AXDND1: variants seen among roughly 807,000 people sequenced by gnomAD.
The protein encoded by AXDND1 is axonemal dynein light chain domain containing 1.
Under a neutral mutation model 137.5 loss-of-function variants are expected in AXDND1, and 110 were observed. That is an observed-to-expected ratio of 0.80 (90% confidence interval 0.69 to 0.94). AXDND1 has a LOEUF of 0.94. Ranked by LOEUF, AXDND1 falls within the 40% of genes least tolerant of loss-of-function variation. The probability of loss-of-function intolerance (pLI) is 0.00; values close to 1 mark genes in which losing one functional copy is unlikely to be tolerated. For synonymous variants in AXDND1, 414 were observed against 399.7 expected, an observed-to-expected ratio of 1.04 and a Z score of -0.43; for missense variants, 1,191 against 1,169.8, an observed-to-expected ratio of 1.02 and a Z score of -0.26.
chr1:179,432,902 C>CAA (rs199738366), intron 15 of AXDND1, among the ~76,000 whole-genome samples: 94 of 142,808 alleles, frequency 6.6e-4, no homozygotes, highest in African/African-American at 1.6e-3. Context: ...GACTCCATCT[C>CAA]AAAAAAAAAA....
At chr1:179,511,546 A>G (rs981220286) in intron 21 of AXDND1, among the ~76,000 whole-genome samples, 2 of 152,048 alleles carry the variant, frequency 1.3e-5, no homozygotes, top group South Asian at 4.2e-4. Context: ...TCTTTTTCCT[A>G]TAATGACTTC....
rs1419653601 is a variant in AXDND1, at chr1:179,552,830, G to A, written c.3032-1682G>A. 13 of 695,470 alleles carry A rather than the reference G, an allele frequency of 1.9e-5. No homozygotes were observed. In the East Asian group the frequency reaches 3.5e-4, roughly 19 times the overall value. 43.1% of individuals were successfully genotyped at this position (695,470 alleles called of 1,614,324 possible). On this transcript the variant is annotated intron_variant, in intron 25 of 25. Coordinates refer to ENST00000367618, the MANE Select transcript of AXDND1 (RefSeq NM_144696.6). ...AGTGTGCCATTCCTAGACTTCTGAG[G>A]TCAAAAGTAGGCAGATCTCCAAGGT...
intron 20 of AXDND1, among the ~76,000 whole-genome samples, chr1:179,495,919 A>G (rs1485469322): frequency 7.6e-6 from 1 of 130,992 alleles, no homozygotes. Flanking sequence ...TTTTTTAGTC[A>G]GTAATGGATG....
intron 15 of AXDND1, among the ~76,000 whole-genome samples, chr1:179,438,987 C>T (rs901621866): frequency 4.0e-5 from 6 of 151,854 alleles, no homozygotes; most frequent in Non-Finnish European, 8.8e-5. Context: ...ATCTGGGCGG[C>T]AGACTGGGAT....
In AXDND1 at chr1:179,394,083, A is replaced by G. The variant is rs374737211; in HGVS notation, c.1004+40A>G. 94 of 1,554,680 alleles carry G rather than the reference A, an allele frequency of 6.0e-5. No homozygotes were observed. In the African/African-American group the frequency reaches 1.2e-3, roughly 20 times the overall value. On this transcript the variant is annotated intron_variant, in intron 10 of 25. Transcript: ENST00000367618. ...TATCTTAAACACAAAACAAAAGTCA[A>G]TGTCATGTCTCTAAAGGGAGTAAAA... is the stretch of plus-strand genomic sequence containing the variant.
chr1:179,431,780 G>A (rs1409178236), intron 14 of AXDND1, among the ~76,000 whole-genome samples: 1 of 152,076 alleles, frequency 6.6e-6, no homozygotes, highest in Non-Finnish European at 1.5e-5. Context: ...GGTGTGCACG[G>A]GTGGCCATAG....
chr1:179,508,687 C>A lies in AXDND1; in HGVS notation c.2389-609C>A, dbSNP rs1463457778. On this transcript the variant is annotated intron_variant, in intron 20 of 25. Coordinates refer to ENST00000367618, the MANE Select transcript of AXDND1 (RefSeq NM_144696.6). ...TTCCAAAAGTGTCTCAAATCTTGATCCATTCACTTTATTAGCAGTAGAGGG... is the reference window on the plus strand; with the variant it reads ...TTCCAAAAGTGTCTCAAATCTTGATACATTCACTTTATTAGCAGTAGAGGG... Among the ~76,000 whole-genome samples the A allele has an allele frequency of 3.3e-5, 5 of 151,632 alleles. No individual in the cohort carries two copies. The East Asian group carries it at 5.8e-4, about 18-fold the overall frequency.
chr1:179,371,877 G>A (rs149997135), intron 4 of AXDND1, among the ~76,000 whole-genome samples: 1,685 of 152,184 alleles, frequency 0.011, 43 homozygotes, highest in African/African-American at 0.038. Flanking sequence ...AAGGGAACAG[G>A]GATTGCAGTC....
At chr1:179,442,043 T>C (rs975271442) in intron 15 of AXDND1, among the ~76,000 whole-genome samples, 3 of 152,062 alleles carry the variant, frequency 2.0e-5, no homozygotes, top group Non-Finnish European at 4.4e-5. Context: ...TCTAGTGGAG[T>C]GTGTTCATGA....
intron 25 of AXDND1, among the ~76,000 whole-genome samples, chr1:179,536,738 A>G (rs1358836958): frequency 1.3e-5 from 2 of 152,154 alleles, no homozygotes; most frequent in African/African-American, 4.8e-5. Flanking sequence ...GATTTTTCCA[A>G]TTCTGTGAAG....
At chr1:179,550,302 T>G (rs921234789) in intron 25 of AXDND1, among the ~76,000 whole-genome samples, 5 of 152,102 alleles carry the variant, frequency 3.3e-5, no homozygotes. Context: ...CTTAGAGAAA[T>G]GTATCTATAT....
Position 179,370,089 on chromosome 1 carries a change from A to G in AXDND1, c.374+11A>G, listed in dbSNP as rs754039118. On this transcript the variant is annotated intron_variant, in intron 4 of 25. Coordinates refer to ENST00000367618, the MANE Select transcript of AXDND1 (RefSeq NM_144696.6). ...CACAGGAGCTGGAAGGTAAAGAAGGAAGATAGTAGGATAGATGCTGATAAA... is the reference window on the plus strand; with the variant it reads ...CACAGGAGCTGGAAGGTAAAGAAGGGAGATAGTAGGATAGATGCTGATAAA... 9 of 1,585,960 alleles carry G rather than the reference A, an allele frequency of 5.7e-6. No individual in the cohort carries two copies. Among genetic ancestry groups the G allele is most frequent in the Middle Eastern group, 1.7e-4 (1 of 6,030 alleles).
rs35702478 is a variant in AXDND1 at position 179,437,069 on chromosome 1, G to GAAA, written c.1563+4743_1563+4745dup. ...TTCATCTATAAAAGAGACACTCACT[G>GAAA]AAAAAAAAAAAAAAAAAAGGAAAGA... On this transcript the variant is annotated intron_variant, in intron 15 of 25. Transcript: ENST00000367618. 6.0e-5 allele frequency among the ~76,000 whole-genome samples: 6 copies of GAAA among 100,800 alleles called. 1 individual carries two copies. The highest frequency in any genetic ancestry group is 1.0e-4 in the Non-Finnish European group (5 of 50,196). 66.1% of individuals were successfully genotyped at this position (100,800 alleles called of 152,430 possible). A position where few individuals can be genotyped will look rare whatever the true frequency, so the allele number is the denominator to read the frequency against.
chr1:179,448,108 A>AC lies in AXDND1; in HGVS notation c.1798+2904_1798+2905insC. The AC allele has an allele frequency of 7.3e-6, 6 of 822,208 alleles. No homozygotes were observed. In the South Asian group the frequency reaches 8.9e-5, roughly 12 times the overall value. 50.9% of individuals were successfully genotyped at this position (822,208 alleles called of 1,614,324 possible). A position where few individuals can be genotyped will look rare whatever the true frequency, so the allele number is the denominator to read the frequency against. ...CATCATATTATCAAATTCCTCATTA[A>AC]TTATTTTTCTTCTGTATATGGAGTT... On this transcript the variant is annotated intron_variant, in intron 16 of 25. Coordinates refer to ENST00000367618, the MANE Select transcript of AXDND1 (RefSeq NM_144696.6).
chr1:179,417,713 T>C (rs945340045), intron 12 of AXDND1, among the ~76,000 whole-genome samples: 1 of 151,988 alleles, frequency 6.6e-6, no homozygotes, highest in Non-Finnish European at 1.5e-5. Context: ...TGTGGTTCCA[T>C]ATAGATTTTA....
At chr1:179,474,640 A>G (rs778046360) in intron 17 of AXDND1, among the ~76,000 whole-genome samples, 31 of 152,164 alleles carry the variant, frequency 2.0e-4, no homozygotes, top group Non-Finnish European at 4.3e-4. Context: ...GATTTAGGGT[A>G]TCTGGTGGAA....
At chr1:179,396,374 G>T (rs1651063739) in intron 11 of AXDND1, among the ~76,000 whole-genome samples, 1 of 151,936 alleles carries the variant, frequency 6.6e-6, no homozygotes, top group Non-Finnish European at 1.5e-5. Flanking sequence ...TTGCGGCTGG[G>T]CACAGTGGCT....
intron 2 of AXDND1, among the ~76,000 whole-genome samples, chr1:179,368,283 A>G (rs1217224901): frequency 1.3e-5 from 2 of 151,978 alleles, no homozygotes; most frequent in Admixed American, 1.3e-4. Context: ...TTCCACTCTC[A>G]TTTGCAACAA....
At chr1:179,393,802 G>T (rs1650578017) in intron 9 of AXDND1, 101 bp from the exon 10 acceptor site, 1 of 969,496 alleles carries the variant, frequency 1.0e-6, no homozygotes, top group Non-Finnish European at 1.5e-6. Context: ...TTTTCTTGGT[G>T]TATAGCAGTG....
Sources: allele counts gnomAD v4.1 joint callset (sites outside exome capture counted in the v4.1 genomes callset), GRCh38; gene constraint gnomAD v4.1.1; transcripts MANE v1.5; gene names NCBI Gene and HGNC (gene_info 2026-07-23, HGNC 2026-07-21).